The following GABRB1 variants were observed in gnomAD, a reference collection of about 807,000 sequenced individuals.
GABRB1 encodes gamma-aminobutyric acid receptor subunit beta-1.
In GABRB1, 17 loss-of-function variants were observed where a neutral mutation model predicts 51.6. The ratio of observed to expected loss-of-function variants is 0.33; its 90% CI spans 0.23 to 0.49. The LOEUF is 0.49. GABRB1 is among the 20% of genes least tolerant of loss of function. The pLI, the probability that GABRB1 is intolerant of heterozygous loss-of-function variation, is 0.99. For missense variants in GABRB1, 410 were observed against 600.6 expected (o/e 0.68, Z 3.32); for synonymous variants, 247 against 218.9 (o/e 1.13, Z -1.14).
At chr4:47,162,359 A>G (rs1433660261) in intron 4 of GABRB1, among the ~76,000 whole-genome samples, 5 of 152,078 alleles carry the variant, frequency 3.3e-5, no homozygotes, top group African/African-American at 4.8e-5. Flanking sequence ...GAGTAATTCC[A>G]TGACTCAATT....
intron 1 of GABRB1, among the ~76,000 whole-genome samples, chr4:47,023,000 G>C (rs1724971371): frequency 6.6e-6 from 1 of 152,032 alleles, no homozygotes; most frequent in South Asian, 2.1e-4. Flanking sequence ...CCATAAAAAA[G>C]AATGAGAGCC....
chr4:47,276,539 A>G (rs1318785820), intron 4 of GABRB1, among the ~76,000 whole-genome samples: 1 of 152,214 alleles, frequency 6.6e-6, no homozygotes, highest in African/African-American at 2.4e-5. Flanking sequence ...ATAATGCATT[A>G]TTCCTTTTTA....
chr4:47,115,579 T>C (rs1356839491), intron 3 of GABRB1, among the ~76,000 whole-genome samples: 1 of 152,076 alleles, frequency 6.6e-6, no homozygotes, highest in Non-Finnish European at 1.5e-5. Flanking sequence ...ATTAACTTGA[T>C]TTTCATTTCT....
At chr4:47,395,439 A>G (rs1194684678) in intron 5 of GABRB1, among the ~76,000 whole-genome samples, 1 of 152,092 alleles carries the variant, frequency 6.6e-6, no homozygotes, top group East Asian at 1.9e-4. Context: ...GAAAATCCAC[A>G]CCCATAATCC....
chr4:47,252,486 G>A (rs965736074), intron 4 of GABRB1, among the ~76,000 whole-genome samples: 1 of 146,142 alleles, frequency 6.8e-6, no homozygotes, highest in Non-Finnish European at 1.5e-5. Context: ...GACTATCTAA[G>A]AAACCATTAA....
chr4:47,371,220 G>A (rs1438382635), intron 5 of GABRB1, among the ~76,000 whole-genome samples: 6 of 151,992 alleles, frequency 3.9e-5, no homozygotes, highest in African/African-American at 1.5e-4. Context: ...AGTTAGCTGA[G>A]GATAACGGCT....
chr4:47,205,280 A>T (rs190681703), intron 4 of GABRB1, among the ~76,000 whole-genome samples: 2 of 152,318 alleles, frequency 1.3e-5, no homozygotes, highest in Admixed American at 1.3e-4. Context: ...GAGAAAATGT[A>T]ACAGAGAAGA....
chr4:47,405,571 C>G (rs182602043), intron 7 of GABRB1, among the ~76,000 whole-genome samples: 3 of 152,062 alleles, frequency 2.0e-5, no homozygotes, highest in Admixed American at 2.0e-4. Context: ...AATAATTAAT[C>G]TCAGATTTTC....
chr4:47,263,573 A>G (rs7672100), intron 4 of GABRB1, among the ~76,000 whole-genome samples: 29,996 of 152,200 alleles, frequency 0.2, 3,767 homozygotes, highest in Middle Eastern at 0.45. Context: ...CAGAGGAGTG[A>G]ATACATGAGT....
intron 5 of GABRB1, among the ~76,000 whole-genome samples, chr4:47,327,955 C>T (rs2109971250): frequency 6.6e-6 from 1 of 152,318 alleles, no homozygotes; most frequent in East Asian, 1.9e-4. Context: ...TATTTCTCCA[C>T]TTCCTCTCCA....
intron 1 of GABRB1, among the ~76,000 whole-genome samples, chr4:47,012,888 G>A (rs1724622877): frequency 6.6e-6 from 1 of 152,130 alleles, no homozygotes; most frequent in Non-Finnish European, 1.5e-5. Flanking sequence ...CATGGTAATT[G>A]GAACCTCAAG....
chr4:47,309,064 G>A (rs1249500370), intron 4 of GABRB1, among the ~76,000 whole-genome samples: 2 of 152,050 alleles, frequency 1.3e-5, no homozygotes, highest in Non-Finnish European at 1.5e-5. Flanking sequence ...TTGGTTAATA[G>A]GAAGTATTAA....
At chr4:47,091,554 A>G (rs1728292278) in intron 3 of GABRB1, among the ~76,000 whole-genome samples, 1 of 152,116 alleles carries the variant, frequency 6.6e-6, no homozygotes, top group South Asian at 2.1e-4. Flanking sequence ...TGAATGTCAC[A>G]ATTGTCCATT....
At chr4:47,054,467 T>A (rs1413043481) in intron 3 of GABRB1, among the ~76,000 whole-genome samples, 2 of 152,192 alleles carry the variant, frequency 1.3e-5, no homozygotes, top group African/African-American at 4.8e-5. Context: ...TAGCAGCAGG[T>A]GTTGGACTGA....
chr4:47,098,941 A>G (rs373615994), intron 3 of GABRB1, among the ~76,000 whole-genome samples: 2 of 152,110 alleles, frequency 1.3e-5, no homozygotes, highest in East Asian at 3.9e-4. Flanking sequence ...TCCATTATTG[A>G]AAAGATGTTA....
intron 1 of GABRB1, among the ~76,000 whole-genome samples, chr4:47,017,743 T>A (rs1253698638): frequency 6.6e-6 from 1 of 152,156 alleles, no homozygotes; most frequent in African/African-American, 2.4e-5. Flanking sequence ...TGTGACTATT[T>A]TATGAACAGC....
At chr4:47,050,065 A>G (rs542951947) in intron 3 of GABRB1, among the ~76,000 whole-genome samples, 1 of 152,222 alleles carries the variant, frequency 6.6e-6, no homozygotes, top group Non-Finnish European at 1.5e-5. Flanking sequence ...CAAATGCTTA[A>G]CTATCTATGT....
chr4:47,079,583 G>A (rs1727732923), intron 3 of GABRB1, among the ~76,000 whole-genome samples: 1 of 151,910 alleles, frequency 6.6e-6, no homozygotes, highest in Non-Finnish European at 1.5e-5. Context: ...CAATAGCAAA[G>A]ACTTGGAATC....
intron 5 of GABRB1, among the ~76,000 whole-genome samples, chr4:47,377,758 A>G (rs1327498298): frequency 6.6e-6 from 1 of 151,948 alleles, no homozygotes; most frequent in African/African-American, 2.4e-5. Context: ...TTAGCTAGAT[A>G]CAGAGTGTCT....
Sources: gnomAD v4.1 joint callset for allele counts (sites outside exome capture counted in the v4.1 genomes callset) on GRCh38, gnomAD v4.1.1 for gene constraint, MANE v1.5 for transcripts, NCBI Gene and HGNC (gene_info 2026-07-23, HGNC 2026-07-21) for gene names.